Variants in CHD1 observed in about 807,000 individuals in gnomAD.
CHD1 encodes the protein ATP-dependent chromatin remodeler CHD1.
In CHD1, 36 loss-of-function variants were observed where a neutral mutation model predicts 224.2. The observed-to-expected ratio is 0.16, with a 90% CI of 0.12 to 0.21. CHD1 has a LOEUF of 0.21. CHD1 is among the 10% of genes least tolerant of loss of function. The probability of loss-of-function intolerance (pLI) is 1.00; values close to 1 mark genes in which losing one functional copy is unlikely to be tolerated. For missense variants in CHD1, 1,378 were observed against 1,994.8 expected, an observed-to-expected ratio of 0.69 and a Z score of 5.89; for synonymous variants, 668 against 658.3, an observed-to-expected ratio of 1.01 and a Z score of -0.23.
At chr5:98,912,071 A>T (rs963424898) in intron 2 of CHD1, among the ~76,000 whole-genome samples, 9 of 152,238 alleles carry the variant, frequency 5.9e-5, no homozygotes, top group Non-Finnish European at 1.0e-4. Context: ...AAAAAAAATT[A>T]AAAAATATAT....
rs1016569341 is a variant in CHD1, at chr5:98,868,545, C to A, written c.4198G>T (p.Val1400Phe). ...PVHITASGEPVPISEESEELD... is the reference protein window; with the variant it reads ...PVHITASGEPFPISEESEELD... ...TCTTCAGATTCTTCAGAAATGGGAACTGGTTCACCACTTGCCGTGATATGA... is the reference window on the plus strand; with the variant it reads ...TCTTCAGATTCTTCAGAAATGGGAAATGGTTCACCACTTGCCGTGATATGA... The change falls in exon 31 of 36, where the codon GTT (valine) becomes TTT (phenylalanine). Residue 1400 changes from valine to phenylalanine, a missense_variant. By Grantham distance (50) the Val-to-Phe change is conservative. Coordinates refer to ENST00000614616, the MANE Select transcript of CHD1 (RefSeq NM_001270.4). The A allele has an allele frequency of 2.5e-6, 4 of 1,612,608 alleles. No homozygotes were observed. The East Asian group carries it at 8.9e-5, about 36-fold the overall frequency.
Position 98,896,451 on chromosome 5 carries a change from T to A in CHD1, c.1494-9A>T, listed in dbSNP as rs137871949. The A allele has an allele frequency of 0.018, 29,288 of 1,588,836 alleles. 343 individuals are homozygous for A. The highest frequency in any genetic ancestry group is 0.021 in the Non-Finnish European group (23,878 of 1,164,034). ...GTATGCAACTATTTCCTCTACAAAG[T>A]TAAAAAAAAATTAGCATGCAAGGAA... On this transcript the variant is annotated splice_polypyrimidine_tract_variant and intron_variant, in intron 11 of 35. Transcript: ENST00000614616.
At chr5:98,896,171 T>C (rs1751333959) in intron 12 of CHD1, 55 bp downstream of exon 12, 4 of 1,452,998 alleles carry the variant, frequency 2.8e-6, no homozygotes, top group Admixed American at 3.4e-5. Context: ...ACAAAAACAC[T>C]TGATCTCAAA....
intron 32 of CHD1, among the ~76,000 whole-genome samples, chr5:98,861,483 A>G (rs2112456665): frequency 6.6e-6 from 1 of 152,326 alleles, no homozygotes; most frequent in South Asian, 2.1e-4. Context: ...CTACTGTAAC[A>G]CTTGCTTAAT....
chr5:98,924,949 G>T (rs549100071), intron 2 of CHD1, among the ~76,000 whole-genome samples: 5 of 151,622 alleles, frequency 3.3e-5, no homozygotes, highest in Non-Finnish European at 7.4e-5. Context: ...CTGCACTCCA[G>T]CCTGGGCGAC....
chr5:98,918,328 G>A (rs376095344), intron 2 of CHD1, among the ~76,000 whole-genome samples: 316 of 151,422 alleles, frequency 2.1e-3, no homozygotes, highest in Middle Eastern at 6.9e-3. Flanking sequence ...CAAAAGTGCT[G>A]GGATTACAGA....
rs1259571330 is a variant in CHD1 at position 98,893,471 on chromosome 5, G to A, written c.1936C>T (p.Leu646=). The change falls in exon 14 of 36, where the codon CTA becomes TTA. Residue 646 remains leucine (L), a synonymous_variant. Coordinates refer to ENST00000614616, the MANE Select transcript of CHD1 (RefSeq NM_001270.4). ...NHRLLITGTP[L]QNSLKELWSL... is the part of the protein sequence containing the mutation. The stretch of plus-strand genomic sequence containing the variant: ...CAGAGCTCTTTGAGGGAATTCTGTA[G>A]AGGAGTTCCAGTGATAAGGAGACGA... 1.2e-6 allele frequency: 2 copies of A among 1,611,472 alleles called. No homozygotes were observed. Among genetic ancestry groups the A allele is most frequent in the Non-Finnish European group, 1.7e-6 (2 of 1,178,392 alleles).
chr5:98,911,187 CA>C (rs984465458), intron 2 of CHD1, among the ~76,000 whole-genome samples: 1 of 81,084 alleles, frequency 1.2e-5, no homozygotes, highest in Non-Finnish European at 2.4e-5. Flanking sequence ...AGAGGCATGT[CA>C]AAAAGGACAG....
Position 98,926,372 on chromosome 5 carries a change from A to G in CHD1, c.15T>C (p.Ser5=). Reference sequence around the variant, plus strand: ...TACTGTTTCTAACACTTTCTTCATCACTGTGTCCATTCATTGTAAATTATT... The same window carrying G: ...TACTGTTTCTAACACTTTCTTCATCGCTGTGTCCATTCATTGTAAATTATT... The part of the protein sequence containing the change: MNGH[S]DEESVRNSSG... Residue 5 remains serine (S), a synonymous_variant, in exon 2 of 36, where the codon AGT becomes AGC. Transcript: ENST00000614616. The G allele has an allele frequency of 2.0e-6, 3 of 1,515,566 alleles. No individual in the cohort carries two copies. The highest frequency in any genetic ancestry group is 2.7e-6 in the Non-Finnish European group (3 of 1,129,088). 93.9% of individuals were successfully genotyped at this position (1,515,566 alleles called of 1,614,324 possible).
At chr5:98,926,838 G>A (rs1414946098) in intron 1 of CHD1, among the ~76,000 whole-genome samples, 1 of 145,306 alleles carries the variant, frequency 6.9e-6, no homozygotes, top group East Asian at 2.1e-4. Context: ...CCTAAAGCAA[G>A]GTGATACGAT....
chr5:98,918,482 T>C (rs745771666), intron 2 of CHD1, among the ~76,000 whole-genome samples: 7 of 151,304 alleles, frequency 4.6e-5, no homozygotes, highest in African/African-American at 9.7e-5. Flanking sequence ...CATAAACATC[T>C]TCCTGAGCCG....
rs751913474 is a variant in CHD1 at position 98,859,955 on chromosome 5, T to C, written c.4524+17A>G. 1 of 1,290,924 alleles carries C rather than the reference T, an allele frequency of 7.7e-7. No homozygotes were observed. 80.0% of individuals were successfully genotyped at this position (1,290,924 alleles called of 1,614,324 possible). ...TAATTATATAAATTCAGGGAAAAAA[T>C]ATGATGTCAAGTTTACCTGAGACTC... On this transcript the variant is annotated intron_variant, in intron 33 of 35. Coordinates refer to ENST00000614616, the MANE Select transcript of CHD1 (RefSeq NM_001270.4).
chr5:98,857,835 T>C (rs1380003055), intron 35 of CHD1, among the ~76,000 whole-genome samples: 3 of 152,036 alleles, frequency 2.0e-5, no homozygotes, highest in African/African-American at 7.2e-5. Flanking sequence ...CAAACCTGAA[T>C]CACTATTATA....
intron 15 of CHD1, 54 bp downstream of exon 15, chr5:98,892,471 C>T: frequency 7.4e-7 from 1 of 1,348,180 alleles, no homozygotes; most frequent in East Asian, 2.3e-5. Flanking sequence ...AGGACACAGA[C>T]ATGGAAGGTT....
Position 98,901,222 on chromosome 5 carries a change from G to A in CHD1, c.551C>T (p.Pro184Leu), listed in dbSNP as rs1164397476. The A allele has an allele frequency of 6.2e-7, 1 of 1,611,850 alleles. No homozygotes were observed. Among genetic ancestry groups the A allele is most frequent in the Non-Finnish European group, 8.5e-7 (1 of 1,179,388 alleles). Residue 184 changes from proline (P) to leucine (L), a missense_variant, in exon 6 of 36, where the codon CCA becomes CTA. Coordinates refer to ENST00000614616, the MANE Select transcript of CHD1 (RefSeq NM_001270.4). ...TTTTCTGCTTTTGACTTTGTTTTTTGGCTCATAATCAGATTCTGTTTCATC... is the reference window on the plus strand; with the variant it reads ...TTTTCTGCTTTTGACTTTGTTTTTTAGCTCATAATCAGATTCTGTTTCATC... ...SCDETESDYE[P>L]KNKVKSRKPQ...
intron 12 of CHD1, among the ~76,000 whole-genome samples, chr5:98,895,626 G>A (rs755134749): frequency 1.8e-4 from 27 of 151,692 alleles, no homozygotes; most frequent in African/African-American, 4.6e-4. Flanking sequence ...GGTGGCAGGC[G>A]CTTGTAATGC....
At chr5:98,893,750 A>C (rs1158493563) in intron 13 of CHD1, 144 bp from the exon 14 acceptor site, 9 of 587,648 alleles carry the variant, frequency 1.5e-5, no homozygotes, top group Non-Finnish European at 2.6e-5. Context: ...TCGTAATCTC[A>C]AGATTACAAT....
intron 2 of CHD1, among the ~76,000 whole-genome samples, chr5:98,921,296 C>G (rs1753079046): frequency 2.0e-5 from 3 of 152,300 alleles, no homozygotes; most frequent in Admixed American, 1.3e-4. Context: ...CTGCTCAAGA[C>G]ACAATTAATT....
chr5:98,873,222 T>C (rs1456918205), intron 26 of CHD1, among the ~76,000 whole-genome samples: 1 of 152,144 alleles, frequency 6.6e-6, no homozygotes, highest in African/African-American at 2.4e-5. Flanking sequence ...ACCAATATCA[T>C]ATGTGTATAT....
Sources: gnomAD v4.1 joint callset for allele counts (sites outside exome capture counted in the v4.1 genomes callset) on GRCh38, gnomAD v4.1.1 for gene constraint, MANE v1.5 for transcripts, NCBI Gene and HGNC (gene_info 2026-07-23, HGNC 2026-07-21) for gene names.